The following CTNNA2 variants were observed in gnomAD, a reference collection of about 807,000 sequenced individuals.
The protein encoded by CTNNA2 is catenin alpha 2.
Under a neutral mutation model 101.0 loss-of-function variants are expected in CTNNA2, and 42 were observed. The observed-to-expected ratio is 0.42, with a 90% CI of 0.32 to 0.54. CTNNA2 has a LOEUF of 0.54. Ranked by LOEUF, CTNNA2 falls within the 20% of genes least tolerant of loss-of-function variation. CTNNA2 has a pLI of 0.14. For synonymous variants in CTNNA2, 450 were observed against 456.4 expected, an observed-to-expected ratio of 0.99 and a Z score of 0.18; for missense variants, 871 against 1,223.1, an observed-to-expected ratio of 0.71 and a Z score of 4.29.
chr2:79,220,158 A>G (rs1008081610), intron 2 of CTNNA2, among the ~76,000 whole-genome samples: 1 of 151,904 alleles, frequency 6.6e-6, no homozygotes, highest in Non-Finnish European at 1.5e-5. Context: ...GGCCGTATAT[A>G]TATGTATGTG....
At chr2:80,328,245 T>C (rs764275108) in intron 7 of CTNNA2, 5 of 470,046 alleles carry the variant, frequency 1.1e-5, no homozygotes, top group Admixed American at 2.4e-5. Context: ...CAGGGAAGCA[T>C]GATCAGTTCC....
intron 3 of CTNNA2, among the ~76,000 whole-genome samples, chr2:79,746,303 A>G (rs957166637): frequency 6.6e-6 from 1 of 152,248 alleles, no homozygotes. Context: ...TAGTCTGGAT[A>G]TTAGCATCTT....
chr2:79,383,324 A>T (rs1055136979), intron 4 of CTNNA2, among the ~76,000 whole-genome samples: 3 of 152,234 alleles, frequency 2.0e-5, no homozygotes, highest in Non-Finnish European at 2.9e-5. Flanking sequence ...GATCGGGGAT[A>T]ATAAGGAACA....
At chr2:79,939,773 A>G (rs950606015) in intron 7 of CTNNA2, among the ~76,000 whole-genome samples, 1 of 152,216 alleles carries the variant, frequency 6.6e-6, no homozygotes, top group African/African-American at 2.4e-5. Context: ...TACTCACAGA[A>G]TTGTGAAACC....
chr2:79,527,786 C>T (rs572100497), intron 1 of CTNNA2, among the ~76,000 whole-genome samples: 23 of 152,062 alleles, frequency 1.5e-4, no homozygotes, highest in Non-Finnish European at 3.2e-4. Flanking sequence ...ATAAAATTTC[C>T]TTATGACCCA....
intron 16 of CTNNA2, among the ~76,000 whole-genome samples, chr2:80,606,410 A>ACACCCC (rs1558638252): frequency 1.7e-5 from 1 of 60,332 alleles, no homozygotes. Flanking sequence ...ACACACACAC[A>ACACCCC]CACCCCCCAG....
chr2:79,894,883 G>A (rs1437698761), intron 6 of CTNNA2, among the ~76,000 whole-genome samples: 1 of 152,126 alleles, frequency 6.6e-6, no homozygotes, highest in Non-Finnish European at 1.5e-5. Flanking sequence ...AGAAATATTT[G>A]TTGAATGGCT....
chr2:79,605,339 T>C lies in CTNNA2; in HGVS notation c.-5-46213T>C, dbSNP rs1020583092. ...ATCCAAACCTTTGAAAAGAGCTTCA[T>C]TGAGCTGTGGGACAATGTCAACTAG... On this transcript the variant is annotated intron_variant, in intron 1 of 18. Coordinates refer to ENST00000402739, the MANE Select transcript of CTNNA2 (RefSeq NM_001282597.3). 3.3e-5 allele frequency among the ~76,000 whole-genome samples: 5 copies of C among 152,118 alleles called. No individual in the cohort carries two copies. In the South Asian group the frequency reaches 1.0e-3, roughly 31 times the overall value.
chr2:79,941,169 T>C (rs750096732), intron 7 of CTNNA2, among the ~76,000 whole-genome samples: 10 of 152,350 alleles, frequency 6.6e-5, no homozygotes, highest in Non-Finnish European at 8.8e-5. Context: ...TGCACCATTA[T>C]TGAAAAATTG....
chr2:80,016,172 C>G (rs1038200437), intron 7 of CTNNA2, among the ~76,000 whole-genome samples: 19 of 152,176 alleles, frequency 1.2e-4, no homozygotes, highest in African/African-American at 4.6e-4. Flanking sequence ...GTATATTTTG[C>G]ATTAAATTTT....
At chr2:80,636,964 C>G (rs961668358) in intron 18 of CTNNA2, among the ~76,000 whole-genome samples, 1 of 152,038 alleles carries the variant, frequency 6.6e-6, no homozygotes, top group African/African-American at 2.4e-5. Flanking sequence ...TGGTATTTTC[C>G]TATTCCCCTC....
intron 7 of CTNNA2, among the ~76,000 whole-genome samples, chr2:79,933,364 A>G (rs983711128): frequency 6.6e-6 from 1 of 152,178 alleles, no homozygotes; most frequent in Non-Finnish European, 1.5e-5. Context: ...CATTTTTTAA[A>G]TGAGAAAATT....
At chr2:79,572,245 G>T (rs950623883) in intron 1 of CTNNA2, among the ~76,000 whole-genome samples, 2 of 152,052 alleles carry the variant, frequency 1.3e-5, no homozygotes, top group Admixed American at 1.3e-4. Flanking sequence ...GAGACTTGTG[G>T]TCTCCACCAG....
intron 7 of CTNNA2, among the ~76,000 whole-genome samples, chr2:80,047,425 A>C (rs540482270): frequency 6.6e-6 from 1 of 152,290 alleles, no homozygotes; most frequent in Admixed American, 6.5e-5. Context: ...CTGCTAACAC[A>C]CAAGTGAATA....
At chr2:80,085,364 A>T (rs151016445) in intron 7 of CTNNA2, among the ~76,000 whole-genome samples, 67 of 152,192 alleles carry the variant, frequency 4.4e-4, no homozygotes, top group African/African-American at 1.5e-3. Flanking sequence ...GTGTTAGCCA[A>T]AGCAGGTCAC....
chr2:79,555,179 C>T (rs1040698297), intron 1 of CTNNA2, among the ~76,000 whole-genome samples: 2 of 152,062 alleles, frequency 1.3e-5, no homozygotes, highest in Non-Finnish European at 2.9e-5. Flanking sequence ...TCCTAGGTGA[C>T]AAAAAACTGT....
At chr2:80,190,202 A>C (rs1167795223) in intron 7 of CTNNA2, among the ~76,000 whole-genome samples, 1 of 152,016 alleles carries the variant, frequency 6.6e-6, no homozygotes. Context: ...GGAGACCCAG[A>C]GCCAGCAAAT....
At chr2:79,658,858 C>A (rs1275788536) in intron 2 of CTNNA2, among the ~76,000 whole-genome samples, 7 of 151,862 alleles carry the variant, frequency 4.6e-5, no homozygotes, top group South Asian at 2.1e-4. Context: ...GTTCGTGGGG[C>A]CCTGTGAAAT....
intron 7 of CTNNA2, among the ~76,000 whole-genome samples, chr2:80,205,841 A>T (rs1286548702): frequency 6.6e-6 from 1 of 152,212 alleles, no homozygotes; most frequent in African/African-American, 2.4e-5. Context: ...GTAATCCAAG[A>T]AAAAAGAGAT....
Sources: gnomAD v4.1 joint callset for allele counts (sites outside exome capture counted in the v4.1 genomes callset) on GRCh38, gnomAD v4.1.1 for gene constraint, MANE v1.5 for transcripts, NCBI Gene and HGNC (gene_info 2026-07-23, HGNC 2026-07-21) for gene names.